PRKAR1A: variants seen among roughly 807,000 people sequenced by gnomAD.
PRKAR1A encodes cAMP-dependent protein kinase type I-alpha regulatory subunit.
In PRKAR1A, 3 loss-of-function variants were observed where a neutral mutation model predicts 52.0. That is an observed-to-expected ratio of 0.06 (90% CI 0.03 to 0.15). The LOEUF is 0.15. Ranked by LOEUF, PRKAR1A falls within the 10% of genes least tolerant of loss-of-function variation. The pLI is 1.00. For missense variants in PRKAR1A, 240 were observed against 477.4 expected (o/e 0.50, Z 4.63); for synonymous variants, 188 against 168.4 (o/e 1.12, Z -0.90).
intron 2 of PRKAR1A, among the ~76,000 whole-genome samples, chr17:68,516,457 A>T (rs1251238286): frequency 6.6e-6 from 1 of 152,146 alleles, no homozygotes; most frequent in East Asian, 1.9e-4. Flanking sequence ...TTATGAATTA[A>T]TTGAAATGAA....
At chr17:68,519,370 T>C (rs943955100) in intron 2 of PRKAR1A, among the ~76,000 whole-genome samples, 1 of 152,190 alleles carries the variant, frequency 6.6e-6, no homozygotes, top group Non-Finnish European at 1.5e-5. Flanking sequence ...CACATTCTTC[T>C]TCACATGGCA....
chr17:68,485,636 T>C, the PRKAR1A span, among the ~76,000 whole-genome samples: 3 of 152,188 alleles, frequency 2.0e-5, no homozygotes, highest in African/African-American at 7.2e-5. Context: ...TTGAAGTGGC[T>C]GAAGGAGAAA....
the PRKAR1A span, among the ~76,000 whole-genome samples, chr17:68,454,071 A>T: frequency 6.6e-6 from 1 of 152,234 alleles, no homozygotes; most frequent in Admixed American, 6.5e-5. Context: ...TCTTAAAAAA[A>T]ATCTGGTTCT....
chr17:68,455,196 T>C, the PRKAR1A span, among the ~76,000 whole-genome samples: 2 of 151,988 alleles, frequency 1.3e-5, no homozygotes, highest in African/African-American at 4.8e-5. Context: ...ACCCCGTCTC[T>C]ACTAAAAATA....
chr17:68,534,622 A>G (rs761493178), downstream of PRKAR1A, among the ~76,000 whole-genome samples: 16 of 150,558 alleles, frequency 1.1e-4, no homozygotes, highest in Non-Finnish European at 2.1e-4. Context: ...CACTATTAAA[A>G]GCCCCTAAGT....
chr17:68,464,948 C>T, the PRKAR1A span, among the ~76,000 whole-genome samples: 38 of 139,618 alleles, frequency 2.7e-4, no homozygotes, highest in Non-Finnish European at 3.7e-4. Flanking sequence ...TTTTTTTAGA[C>T]GGAGTCTTGC....
At chr17:68,501,189 T>A in the PRKAR1A span, among the ~76,000 whole-genome samples, 1 of 152,186 alleles carries the variant, frequency 6.6e-6, no homozygotes, top group East Asian at 1.9e-4. Context: ...TCACTCTGAC[T>A]CTCTGCAGCA....
At chr17:68,547,145 T>A (rs1394445947) in intron 11 of PRKAR1A, among the ~76,000 whole-genome samples, 1 of 152,170 alleles carries the variant, frequency 6.6e-6, no homozygotes, top group African/African-American at 2.4e-5. Flanking sequence ...GAGTAAAATT[T>A]AGCATCACTC....
At chr17:68,467,242 G>A in the PRKAR1A span, among the ~76,000 whole-genome samples, 111,806 of 152,048 alleles carry the variant, frequency 0.74, 41,474 homozygotes, top group Middle Eastern at 0.79. Context: ...TATTTGGTAC[G>A]TGTTTTCAAT....
At chr17:68,493,209 T>A in the PRKAR1A span, among the ~76,000 whole-genome samples, 3 of 151,950 alleles carry the variant, frequency 2.0e-5, no homozygotes, top group Non-Finnish European at 4.4e-5. Flanking sequence ...AGGCAATGGG[T>A]TGATCTGTTC....
chr17:68,437,948 T>TAAAAAAAAAAAAAAAAA, the PRKAR1A span, among the ~76,000 whole-genome samples: 5 of 78,806 alleles, frequency 6.3e-5, no homozygotes, highest in African/African-American at 2.4e-4. Flanking sequence ...ACATCTCTCT[T>TAAAAAAAAAAAAAAAAA]AAAAAAAAAA....
At position 68,532,881 on chromosome 17, in the gene PRKAR1A, G is replaced by A. The variant is rs375692436; in HGVS notation, c.*2432G>A. 58 of 1,066,188 alleles carry A rather than the reference G, an allele frequency of 5.4e-5. No homozygotes were observed. In the African/African-American group the frequency reaches 8.0e-4, roughly 15 times the overall value. The allele number at this position is 1,066,188 out of a possible 1,614,324, so 66.0% of individuals were successfully genotyped here. A position where few individuals can be genotyped will look rare whatever the true frequency, so the allele number is the denominator to read the frequency against. On this transcript the variant is annotated 3_prime_UTR_variant, in exon 11 of 11. Coordinates refer to ENST00000589228, the MANE Select transcript of PRKAR1A (RefSeq NM_002734.5). ...AAGGGGGAAAGTGAATTATGGGATC[G>A]GTGTTTTGAAAGAGCAATGTTTATT...
At chr17:68,430,028 G>A in the PRKAR1A span, 1 of 1,614,194 alleles carries the variant, frequency 6.2e-7, no homozygotes, top group South Asian at 1.1e-5. Context: ...TCTGTCCGGA[G>A]AAGTTCAAGC....
chr17:68,458,832 T>C, the PRKAR1A span, among the ~76,000 whole-genome samples: 1 of 152,232 alleles, frequency 6.6e-6, no homozygotes, highest in South Asian at 2.1e-4. Flanking sequence ...TGACAGTCTC[T>C]CAAATCAGCA....
the PRKAR1A span, among the ~76,000 whole-genome samples, chr17:68,435,338 G>A: frequency 5.3e-5 from 8 of 152,254 alleles, no homozygotes; most frequent in East Asian, 1.9e-4. Context: ...GCATTTGTCC[G>A]TCTCTACGGC....
chr17:68,549,579 G>A (rs907500376), intron 11 of PRKAR1A, among the ~76,000 whole-genome samples: 1 of 150,890 alleles, frequency 6.6e-6, no homozygotes, highest in East Asian at 1.9e-4. Flanking sequence ...CTGGTGATTT[G>A]TGGTGCGTTT....
chr17:68,477,514 A>G, the PRKAR1A span, among the ~76,000 whole-genome samples: 1 of 152,200 alleles, frequency 6.6e-6, no homozygotes, highest in Non-Finnish European at 1.5e-5. Context: ...TTATCAGCCC[A>G]GCAAGTTGAC....
chr17:68,484,285 T>C, the PRKAR1A span, among the ~76,000 whole-genome samples: 1 of 152,372 alleles, frequency 6.6e-6, no homozygotes, highest in South Asian at 2.1e-4. Context: ...GTGTCCAGTG[T>C]ACTGCTCTTG....
At chr17:68,440,055 G>C in the PRKAR1A span, among the ~76,000 whole-genome samples, 1 of 152,158 alleles carries the variant, frequency 6.6e-6, no homozygotes, top group Admixed American at 6.5e-5. Flanking sequence ...ACCTATTATA[G>C]AACTGGTTGA....
Sources: gnomAD v4.1 joint callset for allele counts (sites outside exome capture counted in the v4.1 genomes callset) on GRCh38, gnomAD v4.1.1 for gene constraint, MANE v1.5 for transcripts, NCBI Gene and HGNC (gene_info 2026-07-23, HGNC 2026-07-21) for gene names.